The following B4GALT6 variants were observed in gnomAD, a reference collection of about 807,000 sequenced individuals.
The protein encoded by B4GALT6 is UDP-Gal:beta-GlcNAc beta-1,4-galactosyltransferase 6.
A neutral mutation model predicts 46.3 loss-of-function variants in B4GALT6; 14 were observed. That is an observed-to-expected ratio of 0.30 (90% confidence interval 0.20 to 0.47). The LOEUF (loss-of-function observed/expected upper bound fraction) is 0.47, where lower values mean the gene tolerates loss of function less well. Ranked by LOEUF, B4GALT6 falls within the 20% of genes least tolerant of loss-of-function variation. The pLI is 0.99. For missense variants in B4GALT6, 386 were observed against 480.1 expected, an observed-to-expected ratio of 0.80 and a Z score of 1.83; for synonymous variants, 168 against 162.0, an observed-to-expected ratio of 1.04 and a Z score of -0.28.
At chr18:31,638,966 C>T (rs540614727) in intron 4 of B4GALT6, among the ~76,000 whole-genome samples, 19 of 152,290 alleles carry the variant, frequency 1.2e-4, no homozygotes, top group Non-Finnish European at 2.5e-4. Flanking sequence ...GTAGAAGGGG[C>T]TCTGAAGCGT....
chr18:31,653,020 CTTT>C (rs766019120), intron 3 of B4GALT6, among the ~76,000 whole-genome samples: 4 of 141,498 alleles, frequency 2.8e-5, no homozygotes, highest in African/African-American at 2.6e-5. Flanking sequence ...TTTATTTTTG[CTTT>C]TTTTTTTTTT....
At chr18:31,667,676 C>G (rs2074297704) in intron 1 of B4GALT6, among the ~76,000 whole-genome samples, 1 of 152,156 alleles carries the variant, frequency 6.6e-6, no homozygotes, top group Non-Finnish European at 1.5e-5. Flanking sequence ...TTCACATAAG[C>G]TTTACAGATA....
rs1257878573 is a variant in B4GALT6, at chr18:31,624,581, T to C, written c.*1033A>G. On this transcript the variant is annotated 3_prime_UTR_variant, in exon 9 of 9. Coordinates refer to ENST00000306851, the MANE Select transcript of B4GALT6 (RefSeq NM_004775.5). Reference sequence around the variant, plus strand: ...CTTATCTAATAGTATAATTCATTTGTATATTATAAGTACTATTGGGTTTTC... The same window carrying C: ...CTTATCTAATAGTATAATTCATTTGCATATTATAAGTACTATTGGGTTTTC... 2.0e-5 allele frequency: 3 copies of C among 152,070 alleles called. No homozygotes were observed. The highest frequency in any genetic ancestry group is 6.5e-5 in the Admixed American group (1 of 15,278). The allele number at this position is 152,070 out of a possible 1,614,324, so 9.4% of individuals were successfully genotyped here. A position where few individuals can be genotyped will look rare whatever the true frequency, so the allele number is the denominator to read the frequency against.
chr18:31,631,641 T>A lies in B4GALT6; in HGVS notation c.589-495A>T, dbSNP rs1442009491. ...AAAAAAAAAGTCATTAAAAATAATA[T>A]AAGTTTTATTTTGTTAGTGGAGCTT... On this transcript the variant is annotated intron_variant, in intron 5 of 8. Coordinates refer to ENST00000306851, the MANE Select transcript of B4GALT6 (RefSeq NM_004775.5). 1.2e-4 allele frequency among the ~76,000 whole-genome samples: 18 copies of A among 152,140 alleles called. 1 individual carries two copies. The highest frequency in any genetic ancestry group is 1.0e-3 in the Admixed American group (16 of 15,270).
chr18:31,641,895 T>G (rs2073934829), intron 4 of B4GALT6, among the ~76,000 whole-genome samples: 1 of 152,220 alleles, frequency 6.6e-6, no homozygotes, highest in Non-Finnish European at 1.5e-5. Flanking sequence ...CAAGTTTCTG[T>G]CCTGCTTTCA....
At chr18:31,674,594 T>C (rs975464243) in intron 1 of B4GALT6, among the ~76,000 whole-genome samples, 2 of 152,232 alleles carry the variant, frequency 1.3e-5, no homozygotes, top group Admixed American at 6.5e-5. Context: ...TAAGAATTTA[T>C]GATAATCTTC....
the B4GALT6 span, among the ~76,000 whole-genome samples, chr18:31,699,705 A>ATGGTGGTG: frequency 6.6e-6 from 1 of 151,992 alleles, no homozygotes; most frequent in South Asian, 2.1e-4. Context: ...AGGAAGAAAC[A>ATGGTGGTG]GTGGTGACGA....
intron 3 of B4GALT6, among the ~76,000 whole-genome samples, chr18:31,656,531 T>C (rs994635037): frequency 6.6e-6 from 1 of 151,812 alleles, no homozygotes; most frequent in African/African-American, 2.4e-5. Flanking sequence ...AAAATATATA[T>C]ATTTAAAGTA....
chr18:31,712,828 A>G, the B4GALT6 span, among the ~76,000 whole-genome samples: 2 of 152,212 alleles, frequency 1.3e-5, no homozygotes, highest in Non-Finnish European at 2.9e-5. Flanking sequence ...GCCGCTAAGC[A>G]GCGAACATCA....
the B4GALT6 span, among the ~76,000 whole-genome samples, chr18:31,706,913 T>C: frequency 6.6e-6 from 1 of 152,210 alleles, no homozygotes; most frequent in Non-Finnish European, 1.5e-5. Flanking sequence ...TTAACCATGT[T>C]AATATACCTA....
At chr18:31,686,727 AAAC>A (rs1371540811), upstream of B4GALT6, 1 of 152,240 alleles carries the variant, frequency 6.6e-6, no homozygotes, top group East Asian at 1.9e-4. Flanking sequence ...AAATAAAGAA[AAAC>A]AAAATCTATG....
chr18:31,684,735 G>A (rs1456290336), upstream of B4GALT6: 4 of 1,115,358 alleles, frequency 3.6e-6, no homozygotes, highest in African/African-American at 1.6e-5. Context: ...GAAGGGCGAG[G>A]AGGAGCGTTT....
At chr18:31,683,478 T>C (rs1238185529) in intron 1 of B4GALT6, among the ~76,000 whole-genome samples, 1 of 152,228 alleles carries the variant, frequency 6.6e-6, no homozygotes, top group Non-Finnish European at 1.5e-5. Context: ...GTGAAGTTCA[T>C]AATTCTCATT....
chr18:31,669,198 G>A (rs1197071543), intron 1 of B4GALT6, among the ~76,000 whole-genome samples: 1 of 152,092 alleles, frequency 6.6e-6, no homozygotes, highest in Admixed American at 6.6e-5. Flanking sequence ...GTTTCATTGA[G>A]ATATTCAAAT....
chr18:31,672,149 T>C (rs963141509), intron 1 of B4GALT6, among the ~76,000 whole-genome samples: 3 of 152,234 alleles, frequency 2.0e-5, no homozygotes, highest in Non-Finnish European at 4.4e-5. Context: ...TAGAACTGTT[T>C]CCTGGGCTTT....
At chr18:31,702,619 G>A in the B4GALT6 span, among the ~76,000 whole-genome samples, 4,155 of 152,098 alleles carry the variant, frequency 0.027, 212 homozygotes, top group African/African-American at 0.094. Flanking sequence ...GGTGGGGTGC[G>A]GAGAAACCTC....
chr18:31,661,557 C>CAT (rs1372130145), intron 2 of B4GALT6, among the ~76,000 whole-genome samples: 1 of 152,180 alleles, frequency 6.6e-6, no homozygotes, highest in African/African-American at 2.4e-5. Flanking sequence ...CACACACACA[C>CAT]ACACAGAGTT....
At chr18:31,633,945 C>G (rs753341443) in intron 5 of B4GALT6, among the ~76,000 whole-genome samples, 13 of 152,204 alleles carry the variant, frequency 8.5e-5, no homozygotes, top group Non-Finnish European at 1.5e-4. Flanking sequence ...ACTGCCACAT[C>G]CCTTTTGTTG....
the B4GALT6 span, among the ~76,000 whole-genome samples, chr18:31,697,025 C>T: frequency 6.6e-6 from 1 of 152,138 alleles, no homozygotes; most frequent in Non-Finnish European, 1.5e-5. Context: ...CCAACAAACA[C>T]TTAAGGAAGC....
Sources: allele counts gnomAD v4.1 joint callset (sites outside exome capture counted in the v4.1 genomes callset), GRCh38; gene constraint gnomAD v4.1.1; transcripts MANE v1.5; gene names NCBI Gene and HGNC (gene_info 2026-07-23, HGNC 2026-07-21).